The following MARCHF1 variants were observed in gnomAD, a reference collection of about 807,000 sequenced individuals.
MARCHF1 encodes E3 ubiquitin-protein ligase MARCHF1.
In MARCHF1, 40 loss-of-function variants were observed where a neutral mutation model predicts 54.2. That is an observed-to-expected ratio of 0.74 (90% confidence interval 0.57 to 0.96). The LOEUF (loss-of-function observed/expected upper bound fraction) is 0.96. Ranked by LOEUF, MARCHF1 falls within the 40% of genes least tolerant of loss-of-function variation. The pLI, the probability that MARCHF1 is intolerant of heterozygous loss-of-function variation, is 0.00. For synonymous variants in MARCHF1, 236 were observed against 236.3 expected, an observed-to-expected ratio of 1.00 and a Z score of 0.01; for missense variants, 586 against 656.5, an observed-to-expected ratio of 0.89 and a Z score of 1.17.
intron 3 of MARCHF1, among the ~76,000 whole-genome samples, chr4:163,960,785 G>A (rs760654796): frequency 1.1e-4 from 16 of 149,326 alleles, no homozygotes; most frequent in Non-Finnish European, 1.9e-4. Flanking sequence ...ACAAACCTTC[G>A]CATGTACCCT....
chr4:164,147,101 A>T (rs1419832894), intron 1 of MARCHF1, among the ~76,000 whole-genome samples: 1 of 152,206 alleles, frequency 6.6e-6, no homozygotes, highest in Non-Finnish European at 1.5e-5. Context: ...CATCAGAGAA[A>T]TGCAAATCAA....
chr4:164,283,083 G>A (rs1734065049), intron 1 of MARCHF1, among the ~76,000 whole-genome samples: 1 of 151,156 alleles, frequency 6.6e-6, no homozygotes, highest in South Asian at 2.1e-4. Flanking sequence ...AGATTCACAT[G>A]ATAGTGTAGT....
chr4:164,231,244 T>C (rs890247896), intron 1 of MARCHF1, among the ~76,000 whole-genome samples: 1 of 152,132 alleles, frequency 6.6e-6, no homozygotes, highest in Non-Finnish European at 1.5e-5. Flanking sequence ...TGAGGTGAAA[T>C]AAAAGTACAT....
chr4:164,172,883 A>G (rs1446801789), intron 1 of MARCHF1, among the ~76,000 whole-genome samples: 1 of 151,540 alleles, frequency 6.6e-6, no homozygotes, highest in Admixed American at 6.6e-5. Context: ...CAGGAGGCTG[A>G]GGCAGGAGAA....
intron 2 of MARCHF1, among the ~76,000 whole-genome samples, chr4:164,101,068 T>G (rs1053284947): frequency 6.6e-6 from 1 of 152,208 alleles, no homozygotes; most frequent in Non-Finnish European, 1.5e-5. Context: ...CTTAAAAAAC[T>G]GTGCACCACA....
intron 1 of MARCHF1, among the ~76,000 whole-genome samples, chr4:164,173,326 C>T (rs962882485): frequency 2.0e-5 from 3 of 152,112 alleles, no homozygotes; most frequent in Admixed American, 2.0e-4. Flanking sequence ...CTCCAAAATG[C>T]ATATTATTAT....
intron 4 of MARCHF1, among the ~76,000 whole-genome samples, chr4:163,774,272 G>A (rs916056841): frequency 5.9e-5 from 9 of 152,142 alleles, no homozygotes; most frequent in African/African-American, 2.2e-4. Flanking sequence ...ATTTGCATAT[G>A]TTTTAATCAA....
intron 2 of MARCHF1, among the ~76,000 whole-genome samples, chr4:164,044,170 C>G (rs930454920): frequency 6.6e-6 from 1 of 152,178 alleles, no homozygotes; most frequent in African/African-American, 2.4e-5. Context: ...TTCACATTTT[C>G]AGGTATCTTT....
intron 1 of MARCHF1, among the ~76,000 whole-genome samples, chr4:164,311,996 T>A (rs1285942365): frequency 1.3e-5 from 2 of 152,210 alleles, no homozygotes; most frequent in Non-Finnish European, 2.9e-5. Context: ...AGAAGACCCA[T>A]AATCACCACA....
In MARCHF1 at chr4:164,274,659, CT is replaced by C. The variant is rs70952617; in HGVS notation, c.-323+109210del. ...CGCTTGATGTGTGCTTCAGGGTACA[CT>C]TTTTTTTTTTTTTTTTTTTTTTTTT... is the stretch of plus-strand genomic sequence containing the variant. On this transcript the variant is annotated intron_variant, in intron 1 of 9. Transcript: ENST00000514618. Among the ~76,000 whole-genome samples the C allele has an allele frequency of 9.8e-3, 435 of 44,522 alleles. 25 individuals carry two copies. Among genetic ancestry groups the C allele is most frequent in the Non-Finnish European group, 0.013 (258 of 20,548 alleles). The allele number at this position is 44,522 out of a possible 152,430, so 29.2% of individuals were successfully genotyped here.
intron 9 of MARCHF1, among the ~76,000 whole-genome samples, chr4:163,538,825 A>G (rs1314219812): frequency 6.6e-6 from 1 of 152,094 alleles, no homozygotes; most frequent in Non-Finnish European, 1.5e-5. Context: ...GCTTGTTTCA[A>G]TAATAGCCCC....
chr4:163,550,734 GATA>G lies in MARCHF1; in HGVS notation c.1192-4994_1192-4992del, dbSNP rs140277830. 3.7e-3 allele frequency among the ~76,000 whole-genome samples: 557 copies of G among 152,292 alleles called. 6 individuals carry two copies. Among genetic ancestry groups the G allele is most frequent in the African/African-American group, 0.013 (529 of 41,548 alleles). On this transcript the variant is annotated intron_variant, in intron 8 of 9. Coordinates refer to ENST00000514618, the MANE Select transcript of MARCHF1 (RefSeq NM_001394959.1). The stretch of plus-strand genomic sequence containing the variant: ...CTTAGTAAGATATGTTGTGCTGGAG[GATA>G]ATAAGTAAACCTTTTACAAATCCTT...
intron 2 of MARCHF1, among the ~76,000 whole-genome samples, chr4:164,053,036 T>C (rs1579494078): frequency 6.6e-6 from 1 of 152,282 alleles, no homozygotes; most frequent in East Asian, 1.9e-4. Context: ...TATAATTAAG[T>C]CTGATTTGGC....
At position 164,308,513 on chromosome 4, in the gene MARCHF1, C is replaced by A. The variant is rs1269406640; in HGVS notation, c.-323+75357G>T. Among the ~76,000 whole-genome samples the A allele has an allele frequency of 2.0e-5, 3 of 152,038 alleles. No homozygotes were observed. The South Asian group carries it at 6.2e-4, about 32-fold the overall frequency. On this transcript the variant is annotated intron_variant, in intron 1 of 9. Coordinates refer to ENST00000514618, the MANE Select transcript of MARCHF1 (RefSeq NM_001394959.1). The stretch of plus-strand genomic sequence containing the variant: ...AGATAATTTTCTTAGAAAATCAGCT[C>A]ACCTTGCACTCCTTGCAGTTCTCTG...
chr4:163,712,019 A>G (rs924402415), intron 4 of MARCHF1, among the ~76,000 whole-genome samples: 2 of 152,132 alleles, frequency 1.3e-5, no homozygotes, highest in Non-Finnish European at 2.9e-5. Flanking sequence ...TGACTTAAAA[A>G]CCTATCAAGT....
chr4:164,103,125 G>C lies in MARCHF1; in HGVS notation c.-248+8463C>G, dbSNP rs1173386115. Among the ~76,000 whole-genome samples the C allele has an allele frequency of 3.0e-3, 132 of 43,740 alleles. 1 individual carries two copies. The highest frequency in any genetic ancestry group is 9.4e-3 in the African/African-American group (116 of 12,370). 28.7% of individuals were successfully genotyped at this position (43,740 alleles called of 152,430 possible). A position where few individuals can be genotyped will look rare whatever the true frequency, so the allele number is the denominator to read the frequency against. On this transcript the variant is annotated intron_variant, in intron 2 of 9. Transcript: ENST00000514618. ...CCCAGATTCATAAAGCAAGTCCTGA[G>C]TGACCTACAAAGAGACTTAGACTCC...
intron 2 of MARCHF1, among the ~76,000 whole-genome samples, chr4:164,069,455 G>A (rs191074424): frequency 3.9e-5 from 6 of 152,264 alleles, no homozygotes; most frequent in East Asian, 1.9e-4. Flanking sequence ...AACACTCACC[G>A]CGAAGGTCTG....
chr4:164,286,017 T>A (rs184011796), intron 1 of MARCHF1, among the ~76,000 whole-genome samples: 309 of 152,086 alleles, frequency 2.0e-3, no homozygotes, highest in African/African-American at 7.1e-3. Context: ...GGTAAAATAA[T>A]GACATAGCAA....
At chr4:164,142,881 G>A (rs1023381977) in intron 1 of MARCHF1, among the ~76,000 whole-genome samples, 24 of 152,086 alleles carry the variant, frequency 1.6e-4, no homozygotes, top group African/African-American at 3.9e-4. Context: ...TCTGAGCTAC[G>A]GGAGGACATT....
Sources: gnomAD v4.1 joint callset for allele counts (sites outside exome capture counted in the v4.1 genomes callset) on GRCh38, gnomAD v4.1.1 for gene constraint, MANE v1.5 for transcripts, NCBI Gene and HGNC (gene_info 2026-07-23, HGNC 2026-07-21) for gene names.